The following SESN1 variants were observed in gnomAD, a reference collection of about 807,000 sequenced individuals.
SESN1 encodes the protein sestrin-1.
SESN1 carries 30 observed loss-of-function variants against 59.3 expected under a neutral mutation model. That is an observed-to-expected ratio of 0.51 (90% CI 0.38 to 0.69). The LOEUF is 0.69. Ranked by LOEUF, SESN1 falls within the 30% of genes least tolerant of loss-of-function variation. The pLI is 0.00. For synonymous variants in SESN1, 197 were observed against 219.9 expected, an observed-to-expected ratio of 0.90 and a Z score of 0.92; for missense variants, 566 against 673.0, an observed-to-expected ratio of 0.84 and a Z score of 1.76.
chr6:109,086,516 A>G (rs1052199548), intron 1 of SESN1, among the ~76,000 whole-genome samples: 5 of 152,254 alleles, frequency 3.3e-5, no homozygotes, highest in African/African-American at 9.6e-5. Context: ...AGAAAAATAA[A>G]TATAACTCTA....
At chr6:109,077,915 T>A (rs2114472599) in intron 1 of SESN1, among the ~76,000 whole-genome samples, 1 of 152,310 alleles carries the variant, frequency 6.6e-6, no homozygotes, top group South Asian at 2.1e-4. Context: ...TTAATTTTTT[T>A]AATTCATTAA....
chr6:109,079,442 A>G (rs1177459932), intron 1 of SESN1, among the ~76,000 whole-genome samples: 1 of 152,182 alleles, frequency 6.6e-6, no homozygotes, highest in Non-Finnish European at 1.5e-5. Context: ...TTTAGCGCAC[A>G]TATCAAAACT....
At chr6:108,988,716 T>C in intron 8 of SESN1, 29 bp from the exon 9 acceptor site, 1 of 1,546,566 alleles carries the variant, frequency 6.5e-7, no homozygotes, top group Non-Finnish European at 8.8e-7. Flanking sequence ...AGAATTATGA[T>C]ATTTTCAGTG....
chr6:108,985,258 TA>T lies in SESN1; in HGVS notation c.*2285del, dbSNP rs1172127675. On this transcript the variant is annotated 3_prime_UTR_variant, in exon 10 of 10. Transcript: ENST00000436639. ...TTAGAGATGATAAAGTTTGGCCTAA[TA>T]AAAAATTTTCCCAAATACGGCCAAA... 1.3e-5 allele frequency among the ~76,000 whole-genome samples: 2 copies of T among 151,846 alleles called. No individual in the cohort carries two copies. Among genetic ancestry groups the T allele is most frequent in the Non-Finnish European group, 2.9e-5 (2 of 67,912 alleles).
intron 1 of SESN1, among the ~76,000 whole-genome samples, chr6:109,072,446 C>A (rs1431949673): frequency 6.6e-6 from 1 of 152,134 alleles, no homozygotes; most frequent in South Asian, 2.1e-4. Context: ...TATAATTTCC[C>A]CAAGTCGCAT....
chr6:109,041,036 C>CA (rs1343982006), intron 1 of SESN1, among the ~76,000 whole-genome samples: 1 of 151,654 alleles, frequency 6.6e-6, no homozygotes, highest in Non-Finnish European at 1.5e-5. Flanking sequence ...CACAGTGGCT[C>CA]ATGCCCATAA....
chr6:109,091,066 C>T (rs140813152), intron 1 of SESN1, among the ~76,000 whole-genome samples: 21 of 152,230 alleles, frequency 1.4e-4, no homozygotes, highest in East Asian at 5.8e-4. Flanking sequence ...TGAGCCACCC[C>T]GCCCAACTTA....
chr6:109,038,902 G>GA (rs1332022322), intron 1 of SESN1, among the ~76,000 whole-genome samples: 1 of 145,266 alleles, frequency 6.9e-6, no homozygotes, highest in Non-Finnish European at 1.5e-5. Context: ...GAAGGAAGGA[G>GA]AAAAAAGGAA....
chr6:109,066,288 T>C (rs1039395048), intron 1 of SESN1, among the ~76,000 whole-genome samples: 1 of 152,084 alleles, frequency 6.6e-6, no homozygotes, highest in African/African-American at 2.4e-5. Context: ...TTGCTTATTT[T>C]TAAATCACGA....
chr6:109,083,861 A>G lies in SESN1; in HGVS notation c.279+9934T>C, dbSNP rs369185965. On this transcript the variant is annotated intron_variant, in intron 1 of 9. Transcript: ENST00000436639. Reference sequence around the variant, plus strand: ...TTGCTGTGTTTAGGCTATGAATAGCATTTGAAAAATTACTCAGTTATAATT... The same window carrying G: ...TTGCTGTGTTTAGGCTATGAATAGCGTTTGAAAAATTACTCAGTTATAATT... 1.1e-4 allele frequency among the ~76,000 whole-genome samples: 17 copies of G among 152,334 alleles called. No homozygotes were observed. In the East Asian group the frequency reaches 2.9e-3, roughly 26 times the overall value.
chr6:109,045,875 G>C (rs956161314), intron 1 of SESN1, among the ~76,000 whole-genome samples: 1 of 152,098 alleles, frequency 6.6e-6, no homozygotes, highest in Non-Finnish European at 1.5e-5. Flanking sequence ...GATAATACAT[G>C]TTTCTGAAAT....
chr6:109,087,736 CA>C (rs1476756246), intron 1 of SESN1, among the ~76,000 whole-genome samples: 1 of 152,052 alleles, frequency 6.6e-6, no homozygotes, highest in Non-Finnish European at 1.5e-5. Flanking sequence ...TTAAAAAGAC[CA>C]AATCTGCTTC....
chr6:109,091,448 T>C lies in SESN1; in HGVS notation c.279+2347A>G, dbSNP rs1781316640. On this transcript the variant is annotated intron_variant, in intron 1 of 9. Coordinates refer to ENST00000436639, the MANE Select transcript of SESN1 (RefSeq NM_014454.3). ...GCCAGGTCTGCCAAACTCCAGAGTA[T>C]GTCCTCTTAAGCTATTCACGCCACC... Among the ~76,000 whole-genome samples the C allele has an allele frequency of 3.3e-5, 5 of 152,118 alleles. No homozygotes were observed. The South Asian group carries it at 8.3e-4, about 25-fold the overall frequency.
At chr6:109,036,201 T>C (rs924278049) in intron 1 of SESN1, among the ~76,000 whole-genome samples, 9 of 152,210 alleles carry the variant, frequency 5.9e-5, no homozygotes, top group Non-Finnish European at 1.2e-4. Context: ...ATTTAGTTTT[T>C]TTCATAGAAA....
Position 109,012,881 on chromosome 6 carries a change from G to A in SESN1, c.280-10538C>T, listed in dbSNP as rs151245616. ...TGTAATTCCAGCACTTTGGGAGGCC[G>A]AGGCAGGGCGGATCACAAGGTCAGG... is the stretch of plus-strand genomic sequence containing the variant. On this transcript the variant is annotated intron_variant, in intron 1 of 9. Coordinates refer to ENST00000436639, the MANE Select transcript of SESN1 (RefSeq NM_014454.3). Among the ~76,000 whole-genome samples, 1,426 of 152,182 alleles carry A rather than the reference G, an allele frequency of 9.4e-3. 22 individuals are homozygous for A. Among genetic ancestry groups the A allele is most frequent in the African/African-American group, 0.033 (1,368 of 41,542 alleles).
rs761360468 is a variant in SESN1, at chr6:109,094,129, T to C, written c.-56A>G. The C allele has an allele frequency of 4.6e-6, 7 of 1,511,070 alleles. 1 individual carries two copies. In the South Asian group the frequency reaches 6.2e-5, roughly 13 times the overall value. The allele number at this position is 1,511,070 out of a possible 1,614,324, so 93.6% of individuals were successfully genotyped here. A position where few individuals can be genotyped will look rare whatever the true frequency, so the allele number is the denominator to read the frequency against. On this transcript the variant is annotated 5_prime_UTR_variant, in exon 1 of 10. Coordinates refer to ENST00000436639, the MANE Select transcript of SESN1 (RefSeq NM_014454.3). The stretch of plus-strand genomic sequence containing the variant: ...TACCTTTCAGCATGCCCCAAAAAAA[T>C]TGCTTTGTATTTTTAAAATGAAAAA...
intron 1 of SESN1, among the ~76,000 whole-genome samples, chr6:109,084,922 T>C (rs1265873029): frequency 1.3e-5 from 2 of 152,138 alleles, no homozygotes; most frequent in African/African-American, 2.4e-5. Context: ...CTACTCGTAA[T>C]AGACAGATTT....
At chr6:109,023,834 T>C (rs555303624) in intron 1 of SESN1, among the ~76,000 whole-genome samples, 1 of 150,060 alleles carries the variant, frequency 6.7e-6, no homozygotes, top group South Asian at 2.2e-4. Context: ...AGACTTACAT[T>C]GTCAAATAAT....
chr6:109,014,958 T>G (rs902167961), intron 1 of SESN1, among the ~76,000 whole-genome samples: 1 of 152,196 alleles, frequency 6.6e-6, no homozygotes, highest in African/African-American at 2.4e-5. Context: ...CTTCATAAAA[T>G]CAGAATGTCT....
Sources: allele counts gnomAD v4.1 joint callset (sites outside exome capture counted in the v4.1 genomes callset), GRCh38; gene constraint gnomAD v4.1.1; transcripts MANE v1.5; gene names NCBI Gene and HGNC (gene_info 2026-07-23, HGNC 2026-07-21).